The following ABCA3 variants were observed in gnomAD, a reference collection of about 807,000 sequenced individuals.
The protein encoded by ABCA3 is ATP binding cassette subfamily A member 3, also known as phospholipid-transporting ATPase ABCA3.
ABCA3 carries 88 observed loss-of-function variants against 172.8 expected under a neutral mutation model. That is an observed-to-expected ratio of 0.51 (90% confidence interval 0.43 to 0.61). The LOEUF (loss-of-function observed/expected upper bound fraction) is 0.61, where lower values mean the gene tolerates loss of function less well. ABCA3 is among the 20% of genes least tolerant of loss of function. The probability of loss-of-function intolerance (pLI) is 0.00; values close to 1 mark genes in which losing one functional copy is unlikely to be tolerated. For missense variants in ABCA3, 2,164 were observed against 2,301.0 expected (o/e 0.94, Z 1.22); for synonymous variants, 1,066 against 983.8 (o/e 1.08, Z -1.56).
At chr16:2,318,049 T>C (rs1323834867) in intron 8 of ABCA3, among the ~76,000 whole-genome samples, 3 of 152,228 alleles carry the variant, frequency 2.0e-5, no homozygotes, top group African/African-American at 7.2e-5. Flanking sequence ...TCCCCAGTCT[T>C]TCCTGGTACT....
At chr16:2,324,293 G>A in intron 6 of ABCA3, 111 bp downstream of exon 6, 2 of 1,450,362 alleles carry the variant, frequency 1.4e-6, no homozygotes, top group South Asian at 1.3e-5. Context: ...CTTGCAGGCA[G>A]GCAGAGGTTT....
At position 2,284,670 on chromosome 16, in the gene ABCA3, C is replaced by A. The variant is rs2093660008; in HGVS notation, c.3703+109G>T. 28 of 1,298,312 alleles carry A rather than the reference C, an allele frequency of 2.2e-5. No homozygotes were observed. The highest frequency in any genetic ancestry group is 2.9e-5 in the Non-Finnish European group (27 of 929,188). The allele number at this position is 1,298,312 out of a possible 1,614,324, so 80.4% of individuals were successfully genotyped here. On this transcript the variant is annotated intron_variant, in intron 24 of 32. Coordinates refer to ENST00000301732, the MANE Select transcript of ABCA3 (RefSeq NM_001089.3). This position sits in a 1 kb window ranked among gnomAD's most constrained non-coding sequence, Gnocchi z 5.9. ...GGGCAGAGGGGCTGGTGAGCATGAA[C>A]TGGGCCCATTGCCTGAGTCCCGCCT...
Position 2,295,645 on chromosome 16 carries a change from C to G in ABCA3, c.2359G>C (p.Glu787Gln), listed in dbSNP as rs2093678576. ...GACAGCTCGGCCCCAGCGCTGCTCT[C>G]CAGCGTGGCGTTGGGCACGTGGTGG... ...VHHHVPNATLESSAGAELSFI... is the reference protein window; with the variant it reads ...VHHHVPNATLQSSAGAELSFI... Residue 787 changes from glutamate (E) to glutamine (Q), a missense_variant, in exon 18 of 33, where the codon GAG (glutamate) becomes CAG (glutamine). Glu to Gln is a conservative substitution (Grantham distance 29). Coordinates refer to ENST00000301732, the MANE Select transcript of ABCA3 (RefSeq NM_001089.3). 6.2e-7 allele frequency: 1 copy of G among 1,613,920 alleles called. No individual in the cohort carries two copies. The highest frequency in any genetic ancestry group is 1.1e-5 in the South Asian group (1 of 91,096).
chr16:2,324,983 C>T (rs934045524), intron 5 of ABCA3, among the ~76,000 whole-genome samples: 2 of 152,140 alleles, frequency 1.3e-5, no homozygotes, highest in Non-Finnish European at 2.9e-5. Context: ...GTTTTACTGT[C>T]GTCATTTTGT....
At position 2,323,512 on chromosome 16, in the gene ABCA3, G is replaced by A. The variant is rs370890203; in HGVS notation, c.613+11C>T. 51 of 1,613,946 alleles carry A rather than the reference G, an allele frequency of 3.2e-5. No homozygotes were observed. Among genetic ancestry groups the A allele is most frequent in the African/African-American group, 2.3e-4 (17 of 75,000 alleles). On this transcript the variant is annotated intron_variant, in intron 7 of 32. Coordinates refer to ENST00000301732, the MANE Select transcript of ABCA3 (RefSeq NM_001089.3). ...CGGGCTGGTAACACGAACCCTAACC[G>A]AGCTTCTCACCAGGTTCTCCGCCAT... is the stretch of plus-strand genomic sequence containing the variant.
Position 2,284,509 on chromosome 16 carries a change from G to A in ABCA3, c.3704-72C>T, listed in dbSNP as rs907651114. 2.5e-6 allele frequency: 4 copies of A among 1,592,678 alleles called. No individual in the cohort carries two copies. Among genetic ancestry groups the A allele is most frequent in the Non-Finnish European group, 3.4e-6 (4 of 1,162,716 alleles). ...CCCACCTCCAGGACGGGCCTGGTCAGGGCGGGCACAGGGCCTTATCCGTGC... is the reference window on the plus strand; with the variant it reads ...CCCACCTCCAGGACGGGCCTGGTCAAGGCGGGCACAGGGCCTTATCCGTGC... On this transcript the variant is annotated intron_variant, in intron 24 of 32. Coordinates refer to ENST00000301732, the MANE Select transcript of ABCA3 (RefSeq NM_001089.3). The surrounding 1 kb of genome is among the most constrained non-coding windows in gnomAD (Gnocchi z 5.9).
At chr16:2,294,410 G>A (rs1442822325) in intron 18 of ABCA3, among the ~76,000 whole-genome samples, 2 of 152,104 alleles carry the variant, frequency 1.3e-5, no homozygotes, top group Non-Finnish European at 2.9e-5. Context: ...TCTAGGCCGG[G>A]TGCAGTGGCT....
chr16:2,307,601 T>C (rs1596851943), intron 11 of ABCA3, among the ~76,000 whole-genome samples: 1 of 152,048 alleles, frequency 6.6e-6, no homozygotes, highest in Non-Finnish European at 1.5e-5. Flanking sequence ...TTGAGATCTC[T>C]GATGTAATAA....
chr16:2,309,447 G>A (rs1049732006), intron 10 of ABCA3, among the ~76,000 whole-genome samples: 1 of 152,200 alleles, frequency 6.6e-6, no homozygotes, highest in African/African-American at 2.4e-5. Context: ...GACACATGCT[G>A]GATGCAGCAA....
rs377568144 is a variant in ABCA3, at chr16:2,284,304, G to A, written c.3837C>T (p.Val1279=). 9.3e-6 allele frequency: 15 copies of A among 1,613,558 alleles called. No homozygotes were observed. The Admixed American group carries it at 1.2e-4, about 13-fold the overall frequency. The change falls in exon 25 of 33, where the codon GTC becomes GTT. Residue 1279 remains valine, a synonymous_variant. Transcript: ENST00000301732. The surrounding 1 kb of genome is among the most constrained non-coding windows in gnomAD (Gnocchi z 5.9). ...TATATTTCTTGCAGTAGTGGGCGGC[G>A]ACCTCGGAGGAGGTGCAGTACCTCC... ...ETRRYCTSSE[V]AAHYCKKYNI...
At chr16:2,289,029 G>C (rs2093667639) in intron 20 of ABCA3, 1 of 188,768 alleles carries the variant, frequency 5.3e-6, no homozygotes, top group Non-Finnish European at 1.1e-5. Context: ...GAGCGTCAGG[G>C]CTTTGAGATC....
At chr16:2,314,277 T>C (rs905245305) in intron 10 of ABCA3, among the ~76,000 whole-genome samples, 7 of 152,138 alleles carry the variant, frequency 4.6e-5, no homozygotes, top group South Asian at 2.1e-4. Flanking sequence ...CATTATGGAA[T>C]ATCATCTAGC....
intron 17 of ABCA3, among the ~76,000 whole-genome samples, chr16:2,296,908 G>A (rs1025744978): frequency 2.6e-5 from 4 of 152,192 alleles, no homozygotes; most frequent in Non-Finnish European, 5.9e-5. Flanking sequence ...GGACCAGGAG[G>A]TGACCTTGAA....
At chr16:2,306,231 G>A (rs1432845033) in intron 11 of ABCA3, among the ~76,000 whole-genome samples, 1 of 151,958 alleles carries the variant, frequency 6.6e-6, no homozygotes, top group Non-Finnish European at 1.5e-5. Flanking sequence ...AGGCTGAGGT[G>A]GGAGGATCAC....
At chr16:2,326,592 C>T in intron 3 of ABCA3, 100 bp from the exon 4 acceptor site, 1 of 1,303,452 alleles carries the variant, frequency 7.7e-7, no homozygotes, top group Non-Finnish European at 1.1e-6. Flanking sequence ...CCATGTCTCT[C>T]ACCTTCTTTT....
intron 1 of ABCA3, among the ~76,000 whole-genome samples, chr16:2,333,544 G>C (rs1048320073): frequency 1.3e-5 from 2 of 152,218 alleles, no homozygotes; most frequent in African/African-American, 4.8e-5. Flanking sequence ...ACGGAGGACA[G>C]TCAATTAATG....
At chr16:2,329,379 C>G (rs988681263) in intron 2 of ABCA3, among the ~76,000 whole-genome samples, 3 of 152,280 alleles carry the variant, frequency 2.0e-5, no homozygotes, top group African/African-American at 7.2e-5. Flanking sequence ...TTGGGGCCAT[C>G]ATCCCGGGGA....
At chr16:2,288,692 ACAC>A (rs2093667053) in intron 20 of ABCA3, among the ~76,000 whole-genome samples, 1 of 152,190 alleles carries the variant, frequency 6.6e-6, no homozygotes, top group Non-Finnish European at 1.5e-5. Flanking sequence ...TTACAGGCGC[ACAC>A]CACCACACCC....
chr16:2,327,968 G>A (rs1199722862), intron 3 of ABCA3, among the ~76,000 whole-genome samples: 1 of 152,070 alleles, frequency 6.6e-6, no homozygotes, highest in Non-Finnish European at 1.5e-5. Context: ...TGATCCGCCC[G>A]CCTCAGCCTC....
Sources: allele counts gnomAD v4.1 joint callset (sites outside exome capture counted in the v4.1 genomes callset), GRCh38; gene constraint gnomAD v4.1.1; non-coding constraint Gnocchi (gnomAD v3.1); transcripts MANE v1.5; gene names NCBI Gene and HGNC (gene_info 2026-07-23, HGNC 2026-07-21).